The following KCP variants were observed in gnomAD, a reference collection of about 807,000 sequenced individuals.
KCP encodes kielin cysteine rich BMP regulator, also known as kielin/chordin-like protein.
A neutral mutation model predicts 212.7 loss-of-function variants in KCP; 194 were observed. That is an observed-to-expected ratio of 0.91 (90% CI 0.81 to 1.03). The LOEUF (loss-of-function observed/expected upper bound fraction) is 1.03, where lower values mean the gene tolerates loss of function less well. Among genes scored for constraint, KCP ranks in the 50% least tolerant of loss-of-function variants. KCP has a pLI of 0.00. For missense variants in KCP, 2,080 were observed against 2,162.5 expected (o/e 0.96, Z 0.76); for synonymous variants, 833 against 865.3 (o/e 0.96, Z 0.65).
Position 128,889,013 on chromosome 7 carries a change from G to T in KCP, c.2362C>A (p.Leu788Met), listed in dbSNP as rs1793919390. 4.6e-6 allele frequency: 7 copies of T among 1,525,798 alleles called. No individual in the cohort carries two copies. In the Middle Eastern group the frequency reaches 5.1e-4, roughly 112 times the overall value. 94.5% of individuals were successfully genotyped at this position (1,525,798 alleles called of 1,614,324 possible). Residue 788 changes from leucine to methionine, a missense_variant, in exon 22 of 40, where the codon CTG becomes ATG. Leu to Met is a conservative substitution (Grantham distance 15). Coordinates refer to ENST00000610776, the MANE Select transcript of KCP (RefSeq NM_001366122.1). ...DGCEYLGESY[L>M]SNQEFPDPRE... The stretch of plus-strand genomic sequence containing the variant: ...GGGTCTGGGAACTCCTGGTTACTCA[G>T]GTAGGACTCCCCCAGGTACTCACAG...
At position 128,877,173 on chromosome 7, in the gene KCP, C is replaced by T; in HGVS notation, c.4757G>A (p.Cys1586Tyr). ...CVRPCVPGCQ[C>Y]PAGLVEHEAH... ...CTCATGCTCCACCAGGCCTGCAGGG[C>T]ACTGGCAGCCGGGCACGCAGGGCCT... Residue 1586 changes from cysteine to tyrosine, a missense_variant, in exon 40 of 40, where the codon TGC (cysteine) becomes TAC (tyrosine). Coordinates refer to ENST00000610776, the MANE Select transcript of KCP (RefSeq NM_001366122.1). 6.7e-7 allele frequency: 1 copy of T among 1,490,814 alleles called. No individual in the cohort carries two copies. Among genetic ancestry groups the T allele is most frequent in the Non-Finnish European group, 8.9e-7 (1 of 1,121,080 alleles). 92.3% of individuals were successfully genotyped at this position (1,490,814 alleles called of 1,614,324 possible). A position where few individuals can be genotyped will look rare whatever the true frequency, so the allele number is the denominator to read the frequency against.
rs1472439695 is a variant in KCP, at chr7:128,902,819, C to G, written c.789G>C (p.Glu263Asp). Residue 263 changes from glutamate (E) to aspartate (D), a missense_variant, in exon 8 of 40, where the codon GAG (glutamate) becomes GAC (aspartate). Transcript: ENST00000610776. ...EGGSHWEHGQ[E>D]WTTPGDPCRI... is the part of the protein sequence containing the mutation. ...GGCAGGGGTCCCCAGGTGTTGTCCACTCTTGGCCATGTTCCCAGTGAGAGC... is the reference window on the plus strand; with the variant it reads ...GGCAGGGGTCCCCAGGTGTTGTCCAGTCTTGGCCATGTTCCCAGTGAGAGC... The G allele has an allele frequency of 1.2e-5, 18 of 1,551,442 alleles. No individual in the cohort carries two copies. The highest frequency in any genetic ancestry group is 1.5e-5 in the Non-Finnish European group (17 of 1,147,030).
chr7:128,907,639 C>T (rs1258801023), intron 2 of KCP, among the ~76,000 whole-genome samples, 186 bp from the exon 3 acceptor site: 1 of 152,236 alleles, frequency 6.6e-6, no homozygotes, highest in East Asian at 1.9e-4. Flanking sequence ...GGGCCCCAAT[C>T]TCTCCTTTGG....
chr7:128,897,936 A>T (rs1794625457), intron 8 of KCP, among the ~76,000 whole-genome samples: 1 of 152,226 alleles, frequency 6.6e-6, no homozygotes, highest in East Asian at 1.9e-4. Flanking sequence ...TCCCAAGCAT[A>T]TTGTAGATTG....
intron 22 of KCP, among the ~76,000 whole-genome samples, chr7:128,888,327 A>C (rs1252933765): frequency 1.9e-5 from 2 of 106,670 alleles, no homozygotes; most frequent in African/African-American, 4.3e-5. Context: ...CACACAGAGC[A>C]ACACACACAC....
chr7:128,891,670 T>C lies in KCP; in HGVS notation c.1771A>G (p.Thr591Ala). Residue 591 changes from threonine (T) to alanine (A), a missense_variant, in exon 17 of 40, where the codon ACC becomes GCC. Thr to Ala is a moderately conservative substitution (Grantham distance 58, BLOSUM62 0). Transcript: ENST00000610776. ...RAPCAHPLPG[T>A]CCPNDCSGCA... ...CCGCTGCAGTCGTTCGGGCAGCAGG[T>C]CCCAGGCAGCGGGTGGGCACAGGGG... The C allele has an allele frequency of 6.9e-7, 1 of 1,456,810 alleles. No homozygotes were observed. Among genetic ancestry groups the C allele is most frequent in the Non-Finnish European group, 9.1e-7 (1 of 1,103,190 alleles). 90.2% of individuals were successfully genotyped at this position (1,456,810 alleles called of 1,614,324 possible).
intron 5 of KCP, 22 bp from the exon 6 acceptor site, chr7:128,904,160 C>T (rs1389752534): frequency 1.3e-6 from 2 of 1,548,396 alleles, no homozygotes; most frequent in Admixed American, 2.0e-5. Context: ...GGCAGGATGA[C>T]AAGTGGGTCA....
rs1795226113 is a variant in KCP, at chr7:128,908,180, G to A, written c.219+246C>T. Among the ~76,000 whole-genome samples the A allele has an allele frequency of 1.4e-5, 2 of 140,840 alleles. 1 individual carries two copies. The allele number at this position is 140,840 out of a possible 152,430, so 92.4% of individuals were successfully genotyped here. A position where few individuals can be genotyped will look rare whatever the true frequency, so the allele number is the denominator to read the frequency against. On this transcript the variant is annotated intron_variant, in intron 2 of 39. Coordinates refer to ENST00000610776, the MANE Select transcript of KCP (RefSeq NM_001366122.1). ...GAGAAAGAGAGAAGAAGGATGGAAG[G>A]AAGGAAGGAAGGAAAAGAAAGAAAA...
At chr7:128,878,789 C>G in intron 37 of KCP, 67 bp from the exon 38 acceptor site, 2 of 1,459,592 alleles carry the variant, frequency 1.4e-6, no homozygotes, top group African/African-American at 1.4e-5. Context: ...CAGGGTCCAT[C>G]ATGGCCCCAG....
At chr7:128,910,175 T>A (rs967423542) in intron 1 of KCP, among the ~76,000 whole-genome samples, 5 of 152,136 alleles carry the variant, frequency 3.3e-5, no homozygotes, top group African/African-American at 1.2e-4. Flanking sequence ...CAAGGAATTG[T>A]CCCGGGTTCC....
chr7:128,887,637 A>T (rs1793748835), intron 22 of KCP, among the ~76,000 whole-genome samples: 1 of 146,698 alleles, frequency 6.8e-6, no homozygotes, highest in South Asian at 2.2e-4. Flanking sequence ...CCACACACAC[A>T]TACATACACA....
intron 7 of KCP, chr7:128,903,092 C>A: frequency 1.8e-6 from 1 of 569,360 alleles, no homozygotes; most frequent in Non-Finnish European, 3.1e-6. Context: ...AGCATAGCCA[C>A]ACCCATGTGC....
At chr7:128,910,455 G>A in intron 1 of KCP, 146 bp downstream of exon 1, 1 of 697,110 alleles carries the variant, frequency 1.4e-6, no homozygotes, top group Non-Finnish European at 2.2e-6. Flanking sequence ...CCCCGACGGG[G>A]AGGACGGAGC....
intron 28 of KCP, 29 bp downstream of exon 28, chr7:128,884,752 C>A: frequency 1.3e-6 from 2 of 1,548,762 alleles, no homozygotes; most frequent in Non-Finnish European, 1.7e-6. Context: ...GACGAGGTGC[C>A]CCAGCCCCAC....
At chr7:128,891,988 C>G (rs1479644852) in intron 16 of KCP, among the ~76,000 whole-genome samples, 169 bp from the exon 17 acceptor site, 2 of 152,190 alleles carry the variant, frequency 1.3e-5, no homozygotes, top group East Asian at 3.9e-4. Flanking sequence ...TGTGAGCACA[C>G]ACGAGTGTGC....
Position 128,881,932 on chromosome 7 carries a change from C to T in KCP, c.3324+5G>A. On this transcript the variant is annotated splice_donor_5th_base_variant and intron_variant, in intron 30 of 39. Coordinates refer to ENST00000610776, the MANE Select transcript of KCP (RefSeq NM_001366122.1). ...TCTGTGAGTCCCCAAGGCAGGAGGG[C>T]TCACCTGGCACTGGCACGTGTAGCA... is the stretch of plus-strand genomic sequence containing the variant. 6.4e-7 allele frequency: 1 copy of T among 1,551,116 alleles called. No individual in the cohort carries two copies. Among genetic ancestry groups the T allele is most frequent in the Non-Finnish European group, 8.7e-7 (1 of 1,146,868 alleles).
chr7:128,878,467 C>G (rs1793120378), intron 38 of KCP, 91 bp downstream of exon 38: 2 of 1,386,772 alleles, frequency 1.4e-6, no homozygotes, highest in South Asian at 1.5e-5. Context: ...CTTCGCCCCC[C>G]TTCCCTGCTT....
At chr7:128,892,347 T>C (rs10237778) in intron 16 of KCP, among the ~76,000 whole-genome samples, 167 bp downstream of exon 16, 22,240 of 151,986 alleles carry the variant, frequency 0.15, 1,887 homozygotes, top group African/African-American at 0.22. Flanking sequence ...CTCTCTACTC[T>C]CCCTCCCACC....
At chr7:128,907,518 AG>A in intron 2 of KCP, 65 bp from the exon 3 acceptor site, 1 of 1,145,796 alleles carries the variant, frequency 8.7e-7, no homozygotes, top group Non-Finnish European at 1.2e-6. Context: ...AGTAGAGATG[AG>A]GGGTGTGAAA....
Sources: gnomAD v4.1 joint callset for allele counts (sites outside exome capture counted in the v4.1 genomes callset) on GRCh38, gnomAD v4.1.1 for gene constraint, MANE v1.5 for transcripts, NCBI Gene and HGNC (gene_info 2026-07-23, HGNC 2026-07-21) for gene names.